TYW1: variants seen among roughly 807,000 people sequenced by gnomAD.
TYW1 encodes the protein tRNA-yW synthesizing protein 1 homolog.
Under a neutral mutation model 96.2 loss-of-function variants are expected in TYW1, and 46 were observed. The ratio of observed to expected loss-of-function variants is 0.48; its 90% CI spans 0.38 to 0.61. The LOEUF (loss-of-function observed/expected upper bound fraction) is 0.61, where lower values mean the gene tolerates loss of function less well. Ranked by LOEUF, TYW1 falls within the 20% of genes least tolerant of loss-of-function variation. The probability of loss-of-function intolerance (pLI) is 0.00; values close to 1 mark genes in which losing one functional copy is unlikely to be tolerated. For missense variants in TYW1, 684 were observed against 909.6 expected (o/e 0.75, Z 3.19); for synonymous variants, 274 against 323.0 (o/e 0.85, Z 1.63).
intron 3 of TYW1, among the ~76,000 whole-genome samples, chr7:66,999,429 A>C (rs1319690390): frequency 6.6e-6 from 1 of 152,138 alleles, no homozygotes; most frequent in Non-Finnish European, 1.5e-5. Context: ...ATCTCGGCTC[A>C]CTGCAACCTC....
chr7:67,147,366 A>G (rs1296464891), intron 13 of TYW1, among the ~76,000 whole-genome samples: 1 of 152,108 alleles, frequency 6.6e-6, no homozygotes, highest in Non-Finnish European at 1.5e-5. Context: ...AGGTTCCTGG[A>G]TCCATTCCCC....
At chr7:67,168,775 G>A (rs576069765) in intron 13 of TYW1, among the ~76,000 whole-genome samples, 4 of 151,566 alleles carry the variant, frequency 2.6e-5, no homozygotes, top group African/African-American at 7.3e-5. Flanking sequence ...GCAGTGTTGC[G>A]ATCTTGGCTC....
At chr7:67,095,778 A>G (rs548990934) in intron 11 of TYW1, among the ~76,000 whole-genome samples, 14 of 152,138 alleles carry the variant, frequency 9.2e-5, no homozygotes, top group African/African-American at 3.4e-4. Context: ...ACGTGGTGCT[A>G]TCCCTACTGA....
intron 8 of TYW1, among the ~76,000 whole-genome samples, chr7:67,054,645 TAA>T (rs1795454735): frequency 6.6e-6 from 1 of 152,218 alleles, no homozygotes; most frequent in African/African-American, 2.4e-5. Context: ...TATGGTTGTT[TAA>T]CCAGCCACTG....
chr7:67,215,011 C>T (rs553356075), intron 15 of TYW1, among the ~76,000 whole-genome samples: 1 of 149,586 alleles, frequency 6.7e-6, no homozygotes, highest in South Asian at 2.2e-4. Flanking sequence ...ATGCCAGTCT[C>T]ATAGAATGGG....
In TYW1 at chr7:67,134,826, T is replaced by G. The variant is rs572150342; in HGVS notation, c.1698+17208T>G. On this transcript the variant is annotated intron_variant, in intron 13 of 15. Transcript: ENST00000359626. ...GAGGTATAATTTACATATCATAAAG[T>G]TCAAGATGTGATGGCTCATGCCTGT... Among the ~76,000 whole-genome samples the G allele has an allele frequency of 4.0e-5, 6 of 149,594 alleles. No individual in the cohort carries two copies. The South Asian group carries it at 1.3e-3, about 32-fold the overall frequency.
rs540594930 is a variant in TYW1 at position 67,139,283 on chromosome 7, C to T, written c.1698+21665C>T. 1.6e-3 allele frequency among the ~76,000 whole-genome samples: 243 copies of T among 152,298 alleles called. 1 individual carries two copies. Among genetic ancestry groups the T allele is most frequent in the African/African-American group, 5.6e-3 (233 of 41,576 alleles). Reference sequence around the variant, plus strand: ...GCCAGGCTGGTCTCCAACTCCTGACCTCAAGTGATCCAGTCACCTTGGCCT... The same window carrying T: ...GCCAGGCTGGTCTCCAACTCCTGACTTCAAGTGATCCAGTCACCTTGGCCT... On this transcript the variant is annotated intron_variant, in intron 13 of 15. Coordinates refer to ENST00000359626, the MANE Select transcript of TYW1 (RefSeq NM_018264.4).
chr7:67,076,527 G>A (rs1252605987), intron 10 of TYW1, among the ~76,000 whole-genome samples: 1 of 151,948 alleles, frequency 6.6e-6, no homozygotes, highest in Non-Finnish European at 1.5e-5. Context: ...CCAGGCTGGA[G>A]TGCAGTGGCC....
At chr7:67,051,724 G>GTT (rs200899821) in intron 8 of TYW1, among the ~76,000 whole-genome samples, 5 of 118,210 alleles carry the variant, frequency 4.2e-5, no homozygotes, top group Non-Finnish European at 7.3e-5. Context: ...GACTGTTTTT[G>GTT]TTTTTTTGTT....
intron 13 of TYW1, among the ~76,000 whole-genome samples, chr7:67,120,965 C>T (rs1279964604): frequency 1.3e-5 from 2 of 152,182 alleles, no homozygotes; most frequent in Non-Finnish European, 2.9e-5. Flanking sequence ...TTAAACTGCC[C>T]ACACATTAGG....
At chr7:67,199,421 C>T (rs1298646708) in intron 15 of TYW1, among the ~76,000 whole-genome samples, 3 of 152,180 alleles carry the variant, frequency 2.0e-5, no homozygotes, top group Non-Finnish European at 4.4e-5. Context: ...CTCTCCTTTG[C>T]ACCTGATAAG....
At chr7:67,204,453 A>G (rs1800702954) in intron 15 of TYW1, among the ~76,000 whole-genome samples, 1 of 144,392 alleles carries the variant, frequency 6.9e-6, no homozygotes, top group Admixed American at 6.7e-5. Flanking sequence ...CTATTTAACT[A>G]TTTCTCCTTC....
At chr7:67,139,016 T>C (rs917887309) in intron 13 of TYW1, among the ~76,000 whole-genome samples, 14 of 152,004 alleles carry the variant, frequency 9.2e-5, no homozygotes, top group Non-Finnish European at 1.6e-4. Context: ...GTATATAAAC[T>C]TCTCTAATGC....
At chr7:67,228,803 C>T (rs1239454696) in intron 15 of TYW1, among the ~76,000 whole-genome samples, 2 of 152,184 alleles carry the variant, frequency 1.3e-5, no homozygotes, top group African/African-American at 4.8e-5. Context: ...TGGTTTGAGA[C>T]AGTGGCTGGG....
intron 3 of TYW1, among the ~76,000 whole-genome samples, chr7:67,008,404 G>T (rs1221824802): frequency 6.6e-6 from 1 of 152,204 alleles, no homozygotes; most frequent in African/African-American, 2.4e-5. Context: ...GCTGGGGTAG[G>T]AGGTGCTGAG....
chr7:67,169,981 C>T (rs1226000215), intron 13 of TYW1, among the ~76,000 whole-genome samples: 1 of 152,074 alleles, frequency 6.6e-6, no homozygotes, highest in Non-Finnish European at 1.5e-5. Context: ...TCCATTGTAT[C>T]TTTTTTTCCT....
intron 12 of TYW1, among the ~76,000 whole-genome samples, chr7:67,107,892 T>G (rs1797289704): frequency 6.6e-6 from 1 of 150,860 alleles, no homozygotes; most frequent in South Asian, 2.1e-4. Context: ...TTTTTTTTTT[T>G]TTAAGATAGA....
chr7:67,175,865 C>G (rs1799656741), intron 13 of TYW1, among the ~76,000 whole-genome samples: 1 of 152,136 alleles, frequency 6.6e-6, no homozygotes, highest in Non-Finnish European at 1.5e-5. Context: ...CAAGCATACC[C>G]ACTATATTTA....
intron 6 of TYW1, among the ~76,000 whole-genome samples, chr7:67,021,343 C>T (rs1382599055): frequency 2.0e-5 from 3 of 152,408 alleles, no homozygotes; most frequent in African/African-American, 7.2e-5. Context: ...CTTCCCATGT[C>T]ATGTGCTTTA....
Sources: allele counts gnomAD v4.1 joint callset (sites outside exome capture counted in the v4.1 genomes callset), GRCh38; gene constraint gnomAD v4.1.1; transcripts MANE v1.5; gene names NCBI Gene and HGNC (gene_info 2026-07-23, HGNC 2026-07-21).